UBE2D2: variants seen among roughly 807,000 people sequenced by gnomAD.
UBE2D2 encodes ubiquitin-conjugating enzyme E2 D2.
In UBE2D2, 2 loss-of-function variants were observed where a neutral mutation model predicts 24.2. The observed-to-expected ratio is 0.08, with a 90% CI of 0.03 to 0.26. UBE2D2 has a LOEUF of 0.26. Among genes scored for constraint, UBE2D2 ranks in the 10% least tolerant of loss-of-function variants. The pLI is 1.00. For synonymous variants in UBE2D2, 58 were observed against 56.5 expected (o/e 1.03, Z -0.12); for missense variants, 44 against 177.6 (o/e 0.25, Z 4.28).
chr5:139,612,990 A>G (rs1000002977), intron 2 of UBE2D2, among the ~76,000 whole-genome samples: 1 of 152,250 alleles, frequency 6.6e-6, no homozygotes, highest in South Asian at 2.1e-4. Context: ...TACTAGGTCC[A>G]GTTTTAGTGG....
intron 1 of UBE2D2, among the ~76,000 whole-genome samples, chr5:139,565,309 T>G (rs1484645788): frequency 6.6e-6 from 1 of 152,222 alleles, no homozygotes; most frequent in African/African-American, 2.4e-5. Flanking sequence ...ATGGACTTTA[T>G]TTTGATATAC....
At chr5:139,576,605 G>A (rs548184719) in intron 1 of UBE2D2, among the ~76,000 whole-genome samples, 2 of 151,952 alleles carry the variant, frequency 1.3e-5, no homozygotes, top group African/African-American at 4.8e-5. Flanking sequence ...CTGACCTCGT[G>A]ATCTGCCCGC....
intron 1 of UBE2D2, among the ~76,000 whole-genome samples, chr5:139,553,647 C>A (rs1376029003): frequency 1.3e-5 from 2 of 152,044 alleles, no homozygotes; most frequent in Non-Finnish European, 1.5e-5. Context: ...AGAAAAATGA[C>A]CCCAAGGCAA....
intron 6 of UBE2D2, among the ~76,000 whole-genome samples, chr5:139,625,570 A>G (rs1381523490): frequency 6.7e-6 from 1 of 150,352 alleles, no homozygotes; most frequent in Non-Finnish European, 1.5e-5. Flanking sequence ...GAGCTTCCCA[A>G]GTAGCTGGGA....
chr5:139,592,835 C>G (rs1254661535), intron 1 of UBE2D2, among the ~76,000 whole-genome samples: 1 of 151,618 alleles, frequency 6.6e-6, no homozygotes, highest in Non-Finnish European at 1.5e-5. Flanking sequence ...GATCTCCTGA[C>G]CTCGTGATCT....
At chr5:139,546,771 C>T (rs908917633) in intron 1 of UBE2D2, among the ~76,000 whole-genome samples, 6 of 151,752 alleles carry the variant, frequency 4.0e-5, no homozygotes, top group Non-Finnish European at 7.4e-5. Flanking sequence ...CAGGCGTGAG[C>T]CACCGTGCCT....
chr5:139,574,423 G>C (rs1419566674), intron 1 of UBE2D2, among the ~76,000 whole-genome samples: 1 of 151,748 alleles, frequency 6.6e-6, no homozygotes, highest in Non-Finnish European at 1.5e-5. Flanking sequence ...CATGTTCTCC[G>C]GTCTTTGTTC....
intron 1 of UBE2D2, among the ~76,000 whole-genome samples, chr5:139,578,346 A>G (rs1753524287): frequency 6.6e-6 from 1 of 151,996 alleles, no homozygotes. Flanking sequence ...TGGAATACCT[A>G]CGATTTTCCT....
chr5:139,534,383 G>A (rs1169980114), intron 1 of UBE2D2, among the ~76,000 whole-genome samples: 2 of 151,982 alleles, frequency 1.3e-5, no homozygotes, highest in Admixed American at 6.6e-5. Flanking sequence ...TGGCTAACAC[G>A]GTGAAACCTC....
chr5:139,557,036 T>C (rs1194107598), upstream of UBE2D2, among the ~76,000 whole-genome samples: 3 of 151,842 alleles, frequency 2.0e-5, no homozygotes, highest in Non-Finnish European at 2.9e-5. Flanking sequence ...GGTTTCATCA[T>C]GTTGGCCAGG....
At chr5:139,572,957 A>G (rs1753385334) in intron 1 of UBE2D2, among the ~76,000 whole-genome samples, 1 of 152,012 alleles carries the variant, frequency 6.6e-6, no homozygotes, top group African/African-American at 2.4e-5. Flanking sequence ...TCTCAGATAA[A>G]TTAATTAAAA....
At chr5:139,535,157 T>G (rs527728038) in intron 1 of UBE2D2, among the ~76,000 whole-genome samples, 119 of 148,360 alleles carry the variant, frequency 8.0e-4, no homozygotes, top group African/African-American at 2.7e-3. Context: ...AATAAATAAA[T>G]AAATAAAGTC....
At chr5:139,583,559 C>T (rs1345209323) in intron 1 of UBE2D2, among the ~76,000 whole-genome samples, 2 of 151,956 alleles carry the variant, frequency 1.3e-5, no homozygotes, top group African/African-American at 2.4e-5. Context: ...GACAGGAGTT[C>T]GAGACCAACC....
chr5:139,578,034 G>C (rs776629823), intron 1 of UBE2D2, among the ~76,000 whole-genome samples: 1 of 152,164 alleles, frequency 6.6e-6, no homozygotes, highest in Non-Finnish European at 1.5e-5. Context: ...TGAGGGTGAA[G>C]TCTTTTGGCA....
At chr5:139,529,495 C>T (rs943285632) in intron 1 of UBE2D2, among the ~76,000 whole-genome samples, 75 of 152,252 alleles carry the variant, frequency 4.9e-4, no homozygotes, top group African/African-American at 1.8e-3. Context: ...TGTGTCAATA[C>T]TGGTCTTGTG....
At chr5:139,545,121 G>A (rs749268666) in intron 1 of UBE2D2, among the ~76,000 whole-genome samples, 40 of 152,198 alleles carry the variant, frequency 2.6e-4, no homozygotes, top group Non-Finnish European at 4.9e-4. Flanking sequence ...CTTCCATAGG[G>A]ACATACAGAT....
chr5:139,587,504 C>T (rs1753754991), intron 1 of UBE2D2, among the ~76,000 whole-genome samples: 1 of 151,894 alleles, frequency 6.6e-6, no homozygotes, highest in Non-Finnish European at 1.5e-5. Context: ...GATGGCGAAA[C>T]CCCGTCTCTA....
chr5:139,589,890 T>G (rs1753807845), intron 1 of UBE2D2, among the ~76,000 whole-genome samples: 1 of 151,992 alleles, frequency 6.6e-6, no homozygotes, highest in South Asian at 2.1e-4. Flanking sequence ...GTTCACACCA[T>G]TCTCCTGCCT....
intron 1 of UBE2D2, among the ~76,000 whole-genome samples, chr5:139,565,199 C>A (rs1362855197): frequency 2.0e-5 from 3 of 152,188 alleles, no homozygotes; most frequent in African/African-American, 7.2e-5. Context: ...GTGACATCTT[C>A]AGGAATTCAA....
Sources: allele counts gnomAD v4.1 joint callset (sites outside exome capture counted in the v4.1 genomes callset), GRCh38; gene constraint gnomAD v4.1.1; transcripts MANE v1.5; gene names NCBI Gene and HGNC (gene_info 2026-07-23, HGNC 2026-07-21).